PAK4: variants seen among roughly 807,000 people sequenced by gnomAD.
PAK4 encodes the protein serine/threonine-protein kinase PAK 4.
In PAK4, 49 loss-of-function variants were observed where a neutral mutation model predicts 53.5. The observed-to-expected ratio is 0.92, with a 90% CI of 0.73 to 1.16. The LOEUF (loss-of-function observed/expected upper bound fraction) is 1.16, where lower values mean the gene tolerates loss of function less well. Ranked by LOEUF, PAK4 falls within the 50% of genes most tolerant of loss-of-function variation. The pLI is 0.00. For synonymous variants in PAK4, 376 were observed against 375.6 expected, an observed-to-expected ratio of 1.00 and a Z score of -0.01; for missense variants, 824 against 850.7, an observed-to-expected ratio of 0.97 and a Z score of 0.39.
chr19:39,143,592 CAAAAAAAAAAAAAAAAA>C (rs544304301), intron 1 of PAK4, among the ~76,000 whole-genome samples: 448 of 20,480 alleles, frequency 0.022, 20 homozygotes, highest in Admixed American at 0.059. Flanking sequence ...GACTCTGTCT[CAAAAAAAAAAAAAAAAA>C]AAAAAAAAAA....
At chr19:39,171,208 GTTTTT>G in intron 2 of PAK4, among the ~76,000 whole-genome samples, 1 of 135,464 alleles carries the variant, frequency 7.4e-6, no homozygotes, top group East Asian at 2.3e-4. Context: ...CTCCCTGTTG[GTTTTT>G]TTTTTTTTTT....
At chr19:39,127,339 C>T (rs2049783067) in intron 1 of PAK4, among the ~76,000 whole-genome samples, 2 of 152,054 alleles carry the variant, frequency 1.3e-5, no homozygotes, top group Admixed American at 1.3e-4. Context: ...CTTTGACCTT[C>T]CTGTTCCTTC....
intron 2 of PAK4, among the ~76,000 whole-genome samples, chr19:39,172,066 G>A (rs1394775365): frequency 1.3e-5 from 2 of 152,230 alleles, no homozygotes; most frequent in Admixed American, 6.5e-5. Flanking sequence ...GGGAGGGCAG[G>A]GGCTGGCATT....
rs950314122 is a variant in PAK4 at position 39,178,677 on chromosome 19, G to A, written c.*98G>A. 54 of 1,133,996 alleles carry A rather than the reference G, an allele frequency of 4.8e-5. No homozygotes were observed. The highest frequency in any genetic ancestry group is 1.1e-5 in the Non-Finnish European group (9 of 803,148). 70.2% of individuals were successfully genotyped at this position (1,133,996 alleles called of 1,614,324 possible). ...AGGCCTCCCACTCCTCCCAGCCCGG[G>A]AGATGCTCCGCGTGGCACCACCCTC... On this transcript the variant is annotated 3_prime_UTR_variant, in exon 9 of 9. Transcript: ENST00000358301. The surrounding 1 kb of genome is among the most constrained non-coding windows in gnomAD (Gnocchi z 4.4).
intron 1 of PAK4, among the ~76,000 whole-genome samples, chr19:39,156,514 G>A (rs1236776380): frequency 6.6e-6 from 1 of 152,098 alleles, no homozygotes; most frequent in African/African-American, 2.4e-5. Flanking sequence ...CCCTGCTGAA[G>A]CAAAGGCTGT....
intron 1 of PAK4, among the ~76,000 whole-genome samples, chr19:39,127,733 A>G (rs562079320): frequency 2.0e-5 from 3 of 152,264 alleles, no homozygotes; most frequent in African/African-American, 7.2e-5. Context: ...CGTCTCTGCA[A>G]ACGGTGATGT....
intron 1 of PAK4, among the ~76,000 whole-genome samples, chr19:39,146,209 G>A (rs1169389488): frequency 6.6e-6 from 1 of 152,146 alleles, no homozygotes; most frequent in Non-Finnish European, 1.5e-5. Context: ...TACAGTGAGG[G>A]AGACAGACAT....
At chr19:39,182,699 AT>A (rs1386075023), downstream of PAK4, 8 of 151,898 alleles carry the variant, frequency 5.3e-5, no homozygotes, top group African/African-American at 1.9e-4. Context: ...GGCGCCTGTA[AT>A]CCCAGCTCCT....
chr19:39,135,864 C>T (rs1339888286), intron 1 of PAK4, among the ~76,000 whole-genome samples: 3 of 149,438 alleles, frequency 2.0e-5, no homozygotes, highest in African/African-American at 7.3e-5. Context: ...TAGGCTTCTC[C>T]AAATCTGGCA....
intron 1 of PAK4, among the ~76,000 whole-genome samples, chr19:39,151,405 C>T (rs890745787): frequency 6.6e-6 from 1 of 152,248 alleles, no homozygotes; most frequent in Non-Finnish European, 1.5e-5. Context: ...CTGGCACCGC[C>T]GAGGGGCTGT....
chr19:39,176,038 TG>T (rs960794361), intron 6 of PAK4, among the ~76,000 whole-genome samples: 1 of 152,216 alleles, frequency 6.6e-6, no homozygotes, highest in African/African-American at 2.4e-5. Context: ...GCGATGTCTA[TG>T]GGCCACCTGA....
At chr19:39,176,637 G>A (rs2074610560) in exon 7 of PAK4, 3 of 1,613,676 alleles carry the variant, frequency 1.9e-6, no homozygotes, top group East Asian at 2.2e-5. Flanking sequence ...GCAAGGAAGT[G>A]CCCCGAAGGA....
At chr19:39,155,115 A>G (rs901654862) in intron 1 of PAK4, among the ~76,000 whole-genome samples, 3 of 152,094 alleles carry the variant, frequency 2.0e-5, no homozygotes, top group Non-Finnish European at 4.4e-5. Flanking sequence ...GCGCTTGCTC[A>G]CTGTTGTCCC....
intron 1 of PAK4, among the ~76,000 whole-genome samples, chr19:39,128,052 G>A (rs554391312): frequency 6.6e-6 from 1 of 152,306 alleles, no homozygotes; most frequent in Middle Eastern, 3.4e-3. Flanking sequence ...GCTGCCTGAG[G>A]CCTTGATGGA....
In PAK4 at chr19:39,147,648, T is replaced by G. The variant is rs116697172; in HGVS notation, c.-23+21729T>G. The stretch of plus-strand genomic sequence containing the variant: ...CCCACATCCTCACCAGCATTTGGTG[T>G]TGTCACTATTTTTTATTTTAGCTCT... On this transcript the variant is annotated intron_variant, in intron 1 of 8. Coordinates refer to ENST00000358301, the Ensembl canonical transcript of PAK4. Among the ~76,000 whole-genome samples, 985 of 152,238 alleles carry G rather than the reference T, an allele frequency of 6.5e-3. 15 individuals are homozygous for G. Among genetic ancestry groups the G allele is most frequent in the African/African-American group, 0.023 (937 of 41,530 alleles).
At position 39,176,570 on chromosome 19, in the gene PAK4, C is replaced by T. The variant is rs780447210; in HGVS notation, c.1360-20C>T. The T allele has an allele frequency of 2.5e-6, 4 of 1,613,518 alleles. No individual in the cohort carries two copies. The highest frequency in any genetic ancestry group is 3.3e-4 in the Middle Eastern group (2 of 6,062). On this transcript the variant is annotated intron_variant, in intron 6 of 8. Transcript: ENST00000358301. ...TGCTGTGCCAGCTCCTCTGACCCCA[C>T]TGCCTCTGCCCTGTCCCAGGTGAAG...
chr19:39,169,418 C>T (rs2074433528), intron 1 of PAK4, 114 bp from the exon 3 acceptor site: 1 of 755,950 alleles, frequency 1.3e-6, no homozygotes, highest in Non-Finnish European at 2.3e-6. Context: ...CAGAAGGAGG[C>T]TACTGCCTCC....
At chr19:39,170,482 G>A (rs1235286863) in intron 2 of PAK4, among the ~76,000 whole-genome samples, 1 of 152,210 alleles carries the variant, frequency 6.6e-6, no homozygotes, top group African/African-American at 2.4e-5. Flanking sequence ...TAAGAGTTGT[G>A]GAGCCGGTGT....
intron 1 of PAK4, among the ~76,000 whole-genome samples, chr19:39,166,565 T>A (rs1312666014): frequency 6.6e-6 from 1 of 152,182 alleles, no homozygotes; most frequent in African/African-American, 2.4e-5. Flanking sequence ...GGTCCCCAGG[T>A]TGGGTTAGAG....
Sources: allele counts gnomAD v4.1 joint callset (sites outside exome capture counted in the v4.1 genomes callset), GRCh38; gene constraint gnomAD v4.1.1; non-coding constraint Gnocchi (gnomAD v3.1); transcripts MANE v1.5; gene names NCBI Gene and HGNC (gene_info 2026-07-23, HGNC 2026-07-21).